Variants in ZCCHC14 observed in about 807,000 individuals in gnomAD.
ZCCHC14 encodes zinc finger CCHC domain-containing protein 14.
ZCCHC14 carries 16 observed loss-of-function variants against 85.0 expected under a neutral mutation model. That is an observed-to-expected ratio of 0.19 (90% CI 0.13 to 0.29). ZCCHC14 has a LOEUF of 0.29. ZCCHC14 is among the 10% of genes least tolerant of loss of function. The pLI, the probability that ZCCHC14 is intolerant of heterozygous loss-of-function variation, is 1.00. For synonymous variants in ZCCHC14, 775 were observed against 630.7 expected, an observed-to-expected ratio of 1.23 and a Z score of -3.43; for missense variants, 1,303 against 1,443.5, an observed-to-expected ratio of 0.90 and a Z score of 1.58.
At chr16:87,440,663 G>A (rs1015859567) in intron 2 of ZCCHC14, among the ~76,000 whole-genome samples, 3 of 152,078 alleles carry the variant, frequency 2.0e-5, no homozygotes, top group Admixed American at 1.3e-4. Context: ...CTGAAGTGCA[G>A]TGGTGTGATC....
chr16:87,477,192 C>T (rs969902962), intron 1 of ZCCHC14, among the ~76,000 whole-genome samples: 1 of 146,614 alleles, frequency 6.8e-6, no homozygotes, highest in Non-Finnish European at 1.5e-5. Context: ...AGATGACACA[C>T]TTAAAATATG....
intron 8 of ZCCHC14, 146 bp downstream of exon 8, chr16:87,417,314 G>T: frequency 8.1e-7 from 1 of 1,232,730 alleles, no homozygotes; most frequent in Non-Finnish European, 1.1e-6. Context: ...CCTCCGCAAA[G>T]CCCACCGTCT....
intron 1 of ZCCHC14, among the ~76,000 whole-genome samples, chr16:87,468,144 C>T (rs1387503103): frequency 6.6e-6 from 1 of 152,104 alleles, no homozygotes; most frequent in African/African-American, 2.4e-5. Flanking sequence ...TATGTGTTCT[C>T]TAAAGATTCA....
intron 2 of ZCCHC14, among the ~76,000 whole-genome samples, chr16:87,453,563 G>A (rs985454249): frequency 6.6e-6 from 1 of 152,216 alleles, no homozygotes; most frequent in African/African-American, 2.4e-5. Context: ...CACACACCTG[G>A]CTGCCCCAGC....
Position 87,412,474 on chromosome 16 carries a change from C to G in ZCCHC14, c.2247G>C (p.Pro749=), listed in dbSNP as rs533761754. The change falls in exon 12 of 13, where the codon CCG becomes CCC. Residue 749 remains proline (P), a synonymous_variant. Transcript: ENST00000671377. ...CCGTGCTGGTCTCCACGACCAGGGC[C>G]GGTTGCTGTGCTGTCTTCAGCACCC... is the stretch of plus-strand genomic sequence containing the variant. ...LDRVLKTAQQ[P]ALVVETSTAA... The G allele has an allele frequency of 2.5e-6, 4 of 1,613,872 alleles. No homozygotes were observed. In the Admixed American group the frequency reaches 5.0e-5, roughly 20 times the overall value.
At chr16:87,469,514 C>A (rs1212991873) in intron 1 of ZCCHC14, among the ~76,000 whole-genome samples, 2 of 152,236 alleles carry the variant, frequency 1.3e-5, no homozygotes, top group African/African-American at 4.8e-5. Context: ...TGGGTCCACA[C>A]AGGGCAGCCC....
At chr16:87,432,996 C>T (rs1023428824) in intron 3 of ZCCHC14, 132 bp downstream of exon 3, 3 of 904,126 alleles carry the variant, frequency 3.3e-6, no homozygotes, top group African/African-American at 1.7e-5. Context: ...AGCTCAGGGC[C>T]AGCTTCCTAT....
At chr16:87,415,009 G>C (rs912147130) in intron 9 of ZCCHC14, among the ~76,000 whole-genome samples, 2 of 152,238 alleles carry the variant, frequency 1.3e-5, no homozygotes, top group Admixed American at 6.5e-5. Flanking sequence ...TTGAACCTGA[G>C]AGGCAGAGGT....
In ZCCHC14 at chr16:87,412,134, A is replaced by G. The variant is rs764154221; in HGVS notation, c.2587T>C (p.Cys863Arg). The change falls in exon 12 of 13, where the codon TGC (cysteine) becomes CGC (arginine). Residue 863 changes from cysteine to arginine, a missense_variant. By Grantham distance (180) the Cys-to-Arg change is radical (BLOSUM62 -3). This residue lies in a region of ZCCHC14 where 797 missense variants were observed against 730.8 expected (regional missense o/e 1.09). Coordinates refer to ENST00000671377, the MANE Select transcript of ZCCHC14 (RefSeq NM_015144.3). ...SFANMATLPSCPAPSSSPALS... is the reference protein window; with the variant it reads ...SFANMATLPSRPAPSSSPALS... Reference sequence around the variant, plus strand: ...GCCGGGCTGGAGCTGGGGGCTGGGCAGCTGGGCAACGTGGCCATGTTGGCA... The same window carrying G: ...GCCGGGCTGGAGCTGGGGGCTGGGCGGCTGGGCAACGTGGCCATGTTGGCA... The G allele has an allele frequency of 2.5e-6, 4 of 1,613,884 alleles. No individual in the cohort carries two copies. The highest frequency in any genetic ancestry group is 3.4e-6 in the Non-Finnish European group (4 of 1,180,036).
At chr16:87,483,881 G>C (rs971661805) in intron 1 of ZCCHC14, among the ~76,000 whole-genome samples, 4 of 152,222 alleles carry the variant, frequency 2.6e-5, no homozygotes, top group African/African-American at 9.6e-5. Flanking sequence ...ACATGTAGGT[G>C]ATATGTATAT....
At chr16:87,464,139 AAGCCAGC>A (rs1911407231) in intron 1 of ZCCHC14, among the ~76,000 whole-genome samples, 1 of 152,212 alleles carries the variant, frequency 6.6e-6, no homozygotes, top group African/African-American at 2.4e-5. Context: ...ACACAAAGGA[AAGCCAGC>A]CTCCCAACTC....
chr16:87,430,524 CTT>C (rs142361433), intron 3 of ZCCHC14, among the ~76,000 whole-genome samples: 42 of 143,070 alleles, frequency 2.9e-4, no homozygotes, highest in Non-Finnish European at 3.2e-4. Flanking sequence ...TGATTTCTTT[CTT>C]TTTTTTTTTT....
chr16:87,431,721 C>T (rs540144817), intron 3 of ZCCHC14, among the ~76,000 whole-genome samples: 2 of 152,276 alleles, frequency 1.3e-5, no homozygotes, highest in East Asian at 1.9e-4. Flanking sequence ...TCTGAAGAGG[C>T]CTGACACCGC....
At chr16:87,434,890 C>T (rs1375686346) in intron 2 of ZCCHC14, among the ~76,000 whole-genome samples, 1 of 148,946 alleles carries the variant, frequency 6.7e-6, no homozygotes, top group Non-Finnish European at 1.5e-5. Flanking sequence ...ACTCGGGAGG[C>T]TGAGGCAGGA....
Position 87,417,666 on chromosome 16 carries a change from C to T in ZCCHC14, c.1177G>A (p.Ala393Thr), listed in dbSNP as rs755440253. The change falls in exon 8 of 13, where the codon GCC (alanine) becomes ACC (threonine). Residue 393 changes from alanine to threonine, a missense_variant. Physicochemically the swap from Ala to Thr is moderately conservative, Grantham distance 58. Coordinates refer to ENST00000671377, the MANE Select transcript of ZCCHC14 (RefSeq NM_015144.3). Reference sequence around the variant, plus strand: ...TGGGAGCAGTGAGGCAAGGGGGCGGCGGAGCCGGCCGGGTGCTGCCCGTGG... The same window carrying T: ...TGGGAGCAGTGAGGCAAGGGGGCGGTGGAGCCGGCCGGGTGCTGCCCGTGG... ...QHHGQHPAGS[A>T]APLPHCSHAG... 76 of 1,611,748 alleles carry T rather than the reference C, an allele frequency of 4.7e-5. 1 individual carries two copies. In the East Asian group the frequency reaches 6.0e-4, roughly 13 times the overall value.
At chr16:87,432,985 G>C in intron 3 of ZCCHC14, 143 bp downstream of exon 3, 5 of 293,024 alleles carry the variant, frequency 1.7e-5, no homozygotes, top group South Asian at 8.3e-5. Context: ...AGCCCACCCC[G>C]AGCTCAGGGC....
intron 3 of ZCCHC14, among the ~76,000 whole-genome samples, chr16:87,428,435 A>G (rs562871014): frequency 2.6e-5 from 4 of 152,250 alleles, no homozygotes; most frequent in East Asian, 1.9e-4. Flanking sequence ...CTCTGGTCAC[A>G]GTATAATTGC....
intron 1 of ZCCHC14, among the ~76,000 whole-genome samples, chr16:87,487,809 GAGGAGGA>G (rs1912580852): frequency 1.3e-5 from 2 of 152,356 alleles, no homozygotes; most frequent in African/African-American, 4.8e-5. Flanking sequence ...GGCAGCGAAA[GAGGAGGA>G]AGTGCTGACA....
chr16:87,455,724 G>C (rs961661398), intron 2 of ZCCHC14, among the ~76,000 whole-genome samples: 1 of 152,192 alleles, frequency 6.6e-6, no homozygotes, highest in African/African-American at 2.4e-5. Flanking sequence ...TGGAGTTGAC[G>C]ATTTTTCGAC....
Sources: gnomAD v4.1 joint callset for allele counts (sites outside exome capture counted in the v4.1 genomes callset) on GRCh38, gnomAD v4.1.1 for gene constraint, gnomAD v4.1.1 regional missense constraint, MANE v1.5 for transcripts, NCBI Gene and HGNC (gene_info 2026-07-23, HGNC 2026-07-21) for gene names.